Variants in CES4A observed in about 807,000 individuals in gnomAD.
The protein encoded by CES4A is carboxylesterase 6.
Under a neutral mutation model 65.4 loss-of-function variants are expected in CES4A, and 48 were observed. The ratio of observed to expected loss-of-function variants is 0.73; its 90% CI spans 0.58 to 0.93. The LOEUF (loss-of-function observed/expected upper bound fraction) is 0.93, where lower values mean the gene tolerates loss of function less well. Ranked by LOEUF, CES4A falls within the 40% of genes least tolerant of loss-of-function variation. The pLI is 0.00. For missense variants in CES4A, 685 were observed against 728.5 expected (o/e 0.94, Z 0.69); for synonymous variants, 247 against 281.8 (o/e 0.88, Z 1.24).
chr16:67,004,372 TA>T, intron 9 of CES4A, 148 bp downstream of exon 9: 4 of 818,712 alleles, frequency 4.9e-6, no homozygotes, highest in Non-Finnish European at 7.9e-6. Context: ...GAGCCTCCTG[TA>T]GTCCCTGTAC....
At chr16:66,998,357 A>G (rs951424445) in intron 2 of CES4A, among the ~76,000 whole-genome samples, 4 of 152,080 alleles carry the variant, frequency 2.6e-5, no homozygotes, top group Admixed American at 1.3e-4. Context: ...TGGGAGGCTG[A>G]GGTGGGAGGA....
rs746938215 is a variant in CES4A at position 67,000,932 on chromosome 16, C to A, written c.478C>A (p.Arg160Ser). Residue 160 changes from arginine (R) to serine (S), a missense_variant, in exon 4 of 14, where the codon CGC (arginine) becomes AGC (serine). Physicochemically the swap from Arg to Ser is moderately radical, Grantham distance 110. Coordinates refer to ENST00000648724, the Ensembl canonical transcript of CES4A. The surrounding 1 kb of genome is among the most constrained non-coding windows in gnomAD (Gnocchi z 4.2). ...GTACGAGGGCTCTGACTTGGCCGCC[C>A]GCGAGAAAGTGGTGCTGGTGTTTCT... 6.2e-7 allele frequency: 1 copy of A among 1,613,318 alleles called. No individual in the cohort carries two copies. The highest frequency in any genetic ancestry group is 8.5e-7 in the Non-Finnish European group (1 of 1,179,634).
At position 67,001,499 on chromosome 16, in the gene CES4A, G is replaced by A. The variant is rs1380592214; in HGVS notation, c.690+38G>A. ...CCCAGACGGACCGAGCACAGACTTA[G>A]GCTCCTGCGTTCCCACAAATGTATG... On this transcript the variant is annotated intron_variant, in intron 5 of 13. Coordinates refer to ENST00000648724, the Ensembl canonical transcript of CES4A. The surrounding 1 kb of genome is among the most constrained non-coding windows in gnomAD (Gnocchi z 4.1). The A allele has an allele frequency of 6.4e-7, 1 of 1,551,354 alleles. No homozygotes were observed. Among genetic ancestry groups the A allele is most frequent in the Non-Finnish European group, 8.7e-7 (1 of 1,149,064 alleles).
intron 11 of CES4A, 156 bp from the exon 12 acceptor site, chr16:67,006,235 T>C: frequency 2.9e-6 from 2 of 692,508 alleles, no homozygotes; most frequent in Non-Finnish European, 4.8e-6. Flanking sequence ...GGTCACACAG[T>C]GAATGAGTAG....
intron 2 of CES4A, among the ~76,000 whole-genome samples, chr16:66,997,831 C>T (rs886860700): frequency 4.6e-5 from 7 of 151,658 alleles, no homozygotes; most frequent in African/African-American, 1.7e-4. Flanking sequence ...ATTAGCTGGG[C>T]GCAGTGCCGT....
intron 5 of CES4A, among the ~76,000 whole-genome samples, chr16:67,002,573 G>C (rs994801074): frequency 6.6e-6 from 1 of 152,102 alleles, no homozygotes; most frequent in Non-Finnish European, 1.5e-5. Context: ...AAGGCCCCTG[G>C]GGCTGGGGGA....
Position 67,006,536 on chromosome 16 carries a change from T to C in CES4A, c.1444+17T>C, listed in dbSNP as rs1335180607. The C allele has an allele frequency of 4.5e-6, 7 of 1,540,478 alleles. No homozygotes were observed. The highest frequency in any genetic ancestry group is 6.1e-6 in the Non-Finnish European group (7 of 1,148,444). On this transcript the variant is annotated intron_variant, in intron 12 of 13. Transcript: ENST00000648724. ...TCGCCACAGGTGCAAAGGTCCCACC[T>C]GATACCCCAACTGGGTGTCCAGTCT...
intron 2 of CES4A, 88 bp downstream of exon 2, chr16:66,995,917 C>G: frequency 5.4e-6 from 7 of 1,286,546 alleles, no homozygotes; most frequent in Non-Finnish European, 7.8e-6. Flanking sequence ...CTGAGAAGAA[C>G]TCACTGTGTG....
intron 1 of CES4A, among the ~76,000 whole-genome samples, chr16:66,991,171 C>T (rs559460982): frequency 3.3e-5 from 5 of 152,098 alleles, no homozygotes; most frequent in African/African-American, 1.2e-4. Flanking sequence ...ATTACAGGCA[C>T]GCACCACCAC....
intron 2 of CES4A, among the ~76,000 whole-genome samples, chr16:66,996,831 A>G (rs1357520970): frequency 3.9e-5 from 6 of 152,178 alleles, no homozygotes; most frequent in Non-Finnish European, 8.8e-5. Flanking sequence ...AGGCAGGAGG[A>G]CTGCTTGAAC....
At chr16:67,007,111 A>C (rs1463900345) in intron 13 of CES4A, 2 of 389,870 alleles carry the variant, frequency 5.1e-6, no homozygotes, top group Non-Finnish European at 9.3e-6. Flanking sequence ...GAATTCAAGG[A>C]TGTTGCAGAC....
intron 2 of CES4A, among the ~76,000 whole-genome samples, chr16:66,998,598 G>A (rs1385337744): frequency 1.3e-5 from 2 of 152,180 alleles, no homozygotes. Flanking sequence ...GCTGGGCACC[G>A]TGGCTCATGC....
chr16:67,004,108 G>C, exon 9 of CES4A: 1 of 1,614,170 alleles, frequency 6.2e-7, no homozygotes, highest in Non-Finnish European at 8.5e-7. Flanking sequence ...GAGCCCTGTG[G>C]TGGATGGTGT....
chr16:67,005,437 C>T (rs1198770784), intron 11 of CES4A, 44 bp downstream of exon 11: 17 of 1,593,206 alleles, frequency 1.1e-5, no homozygotes, highest in Non-Finnish European at 1.5e-5. Flanking sequence ...CCCGTCCACT[C>T]TCCAGGTGTG....
At chr16:66,995,155 C>CA (rs1447191570) in intron 1 of CES4A, among the ~76,000 whole-genome samples, 1 of 151,480 alleles carries the variant, frequency 6.6e-6, no homozygotes. Flanking sequence ...ACTAAAAATA[C>CA]AAAAATTAGC....
chr16:67,000,543 G>A lies in CES4A; in HGVS notation c.261-95G>A. 2.7e-6 allele frequency: 4 copies of A among 1,475,314 alleles called. No homozygotes were observed. In the South Asian group the frequency reaches 5.4e-5, roughly 20 times the overall value. 91.4% of individuals were successfully genotyped at this position (1,475,314 alleles called of 1,614,324 possible). ...CGCACGCACACGCACGCGCACAGAC[G>A]CTGCCTGGATTTTGCTTTGGGTTCC... is the stretch of plus-strand genomic sequence containing the variant. On this transcript the variant is annotated intron_variant, in intron 2 of 13. Coordinates refer to ENST00000648724, the Ensembl canonical transcript of CES4A. This position sits in a 1 kb window ranked among gnomAD's most constrained non-coding sequence, Gnocchi z 4.2.
intron 1 of CES4A, among the ~76,000 whole-genome samples, chr16:66,989,498 C>A (rs1302211698): frequency 1.3e-5 from 2 of 151,884 alleles, no homozygotes; most frequent in African/African-American, 2.4e-5. Context: ...AGTTTGAGAC[C>A]AGCCTGGGCA....
intron 10 of CES4A, 117 bp from the exon 11 acceptor site, chr16:67,005,123 C>A (rs998960633): frequency 2.8e-6 from 3 of 1,053,774 alleles, no homozygotes; most frequent in African/African-American, 3.2e-5. Context: ...AGCTCCCTTT[C>A]TCCCCCTCCC....
At chr16:66,996,047 T>C in intron 2 of CES4A, 2 of 681,128 alleles carry the variant, frequency 2.9e-6, no homozygotes, top group Non-Finnish European at 5.4e-6. Context: ...GTTTTTGTTT[T>C]TGTTTTTTTT....
Sources: gnomAD v4.1 joint callset for allele counts (sites outside exome capture counted in the v4.1 genomes callset) on GRCh38, gnomAD v4.1.1 for gene constraint, Gnocchi (gnomAD v3.1) non-coding constraint, MANE v1.5 for transcripts, NCBI Gene and HGNC (gene_info 2026-07-23, HGNC 2026-07-21) for gene names.